Variants in TAFA1 observed in about 807,000 individuals in gnomAD.
The protein encoded by TAFA1 is TAFA chemokine like family member 1.
TAFA1 carries 4 observed loss-of-function variants against 18.5 expected under a neutral mutation model. The observed-to-expected ratio is 0.22, with a 90% CI of 0.11 to 0.49. TAFA1 has a LOEUF of 0.49. Ranked by LOEUF, TAFA1 falls within the 20% of genes least tolerant of loss-of-function variation. The pLI is 0.98. For missense variants in TAFA1, 147 were observed against 169.0 expected, an observed-to-expected ratio of 0.87 and a Z score of 0.72; for synonymous variants, 56 against 55.2, an observed-to-expected ratio of 1.01 and a Z score of -0.06.
At chr3:68,105,990 A>G (rs2065198740) in intron 2 of TAFA1, among the ~76,000 whole-genome samples, 1 of 152,254 alleles carries the variant, frequency 6.6e-6, no homozygotes. Flanking sequence ...GCCTAATTCA[A>G]CCACAATTTT....
rs551817291 is a variant in TAFA1, at chr3:68,097,845, A to G, written c.118+91101A>G. ...ATTTCCTGCAGGGAAGGGAATAAAGAGTTGAGGCAGATGCTCTCAGAAAGA... is the reference window on the plus strand; with the variant it reads ...ATTTCCTGCAGGGAAGGGAATAAAGGGTTGAGGCAGATGCTCTCAGAAAGA... On this transcript the variant is annotated intron_variant, in intron 2 of 4. Transcript: ENST00000478136. Among the ~76,000 whole-genome samples the G allele has an allele frequency of 3.9e-5, 6 of 152,278 alleles. No homozygotes were observed. The South Asian group carries it at 6.2e-4, about 16-fold the overall frequency.
chr3:68,271,836 T>TCACACA (rs965274782), intron 2 of TAFA1, among the ~76,000 whole-genome samples: 2 of 129,306 alleles, frequency 1.5e-5, no homozygotes, highest in African/African-American at 6.0e-5. Context: ...TCTCTCTCTC[T>TCACACA]CACACACACA....
chr3:68,017,891 C>G (rs1424655684), intron 2 of TAFA1, among the ~76,000 whole-genome samples: 1 of 152,158 alleles, frequency 6.6e-6, no homozygotes, highest in Non-Finnish European at 1.5e-5. Context: ...GCAATTCATT[C>G]TGAGCAGAGA....
intron 2 of TAFA1, among the ~76,000 whole-genome samples, chr3:68,065,765 T>TAC (rs57317058): frequency 0.064 from 3,817 of 60,006 alleles, 70 homozygotes; most frequent in African/African-American, 0.11. Context: ...TATATATATA[T>TAC]ACACACACAT....
intron 2 of TAFA1, among the ~76,000 whole-genome samples, chr3:68,169,637 A>T (rs2066027481): frequency 6.6e-6 from 1 of 152,266 alleles, no homozygotes; most frequent in Non-Finnish European, 1.5e-5. Flanking sequence ...TAAAGGCAAG[A>T]TTATAACAAA....
chr3:68,397,341 G>A (rs62245800), intron 2 of TAFA1, among the ~76,000 whole-genome samples: 1 of 152,130 alleles, frequency 6.6e-6, no homozygotes, highest in Non-Finnish European at 1.5e-5. Flanking sequence ...GCCCCGGTGT[G>A]TGATGTTCCC....
chr3:68,020,435 C>T (rs527779014), intron 2 of TAFA1, among the ~76,000 whole-genome samples: 3 of 152,268 alleles, frequency 2.0e-5, no homozygotes, highest in East Asian at 3.9e-4. Context: ...AAAACCCCTA[C>T]CTTGCCAGCT....
intron 2 of TAFA1, among the ~76,000 whole-genome samples, chr3:68,113,828 T>G (rs1478644222): frequency 6.6e-6 from 1 of 151,608 alleles, no homozygotes; most frequent in South Asian, 2.1e-4. Context: ...TAGAGTCTTG[T>G]GTAATTTGCT....
chr3:68,142,605 C>G (rs2065681215), intron 2 of TAFA1, among the ~76,000 whole-genome samples: 1 of 152,196 alleles, frequency 6.6e-6, no homozygotes, highest in South Asian at 2.1e-4. Flanking sequence ...CAATTAAAGT[C>G]TAAAGGAAGT....
At chr3:68,417,527 C>A in intron 3 of TAFA1, 107 bp downstream of exon 3, 1 of 1,080,208 alleles carries the variant, frequency 9.3e-7, no homozygotes, top group Non-Finnish European at 1.3e-6. Context: ...AAGGTGCATC[C>A]GAAGTGTTAG....
intron 2 of TAFA1, among the ~76,000 whole-genome samples, chr3:68,279,423 T>C (rs2067857710): frequency 6.6e-6 from 1 of 152,118 alleles, no homozygotes; most frequent in South Asian, 2.1e-4. Flanking sequence ...ATTATTAATC[T>C]TATCAAGATA....
chr3:68,237,342 G>A (rs902279998), intron 2 of TAFA1, among the ~76,000 whole-genome samples: 1 of 152,152 alleles, frequency 6.6e-6, no homozygotes. Context: ...CCTCCCCAAG[G>A]TTTCACCTTC....
At chr3:68,441,301 C>G (rs940809864) in intron 3 of TAFA1, among the ~76,000 whole-genome samples, 13 of 152,224 alleles carry the variant, frequency 8.5e-5, no homozygotes, top group Admixed American at 8.5e-4. Flanking sequence ...CCCAGCAGAT[C>G]CAATGGTGCT....
chr3:68,535,934 A>G (rs2073272501), intron 3 of TAFA1, among the ~76,000 whole-genome samples: 1 of 152,160 alleles, frequency 6.6e-6, no homozygotes, highest in Admixed American at 6.6e-5. Context: ...GGCATGGGAT[A>G]TGGTGTCCAC....
chr3:68,369,201 A>C (rs918418111), intron 2 of TAFA1, among the ~76,000 whole-genome samples: 1 of 152,020 alleles, frequency 6.6e-6, no homozygotes, highest in African/African-American at 2.4e-5. Context: ...ACACACACAC[A>C]CCCAAAATAA....
chr3:68,370,286 CAAAAAAAAAAAAAA>C (rs71618234), intron 2 of TAFA1, among the ~76,000 whole-genome samples: 10 of 10,842 alleles, frequency 9.2e-4, no homozygotes, highest in African/African-American at 4.0e-3. Context: ...GACCCCATCT[CAAAAAAAAAAAAAA>C]AAAAAAAAAA....
chr3:68,078,713 C>G (rs2064858135), intron 2 of TAFA1, among the ~76,000 whole-genome samples: 2 of 152,042 alleles, frequency 1.3e-5, no homozygotes, highest in Non-Finnish European at 2.9e-5. Context: ...TTCGGTTTGC[C>G]AGTATTTTAT....
Position 68,223,375 on chromosome 3 carries a change from C to A in TAFA1, c.119-193905C>A, listed in dbSNP as rs368439325. ...TCTATGTTAAATACTTTATATACAC[C>A]GTGTTATTCAATAGTATCACTGAAT... On this transcript the variant is annotated intron_variant, in intron 2 of 4. Coordinates refer to ENST00000478136, the MANE Select transcript of TAFA1 (RefSeq NM_213609.4). Among the ~76,000 whole-genome samples, 24 of 152,024 alleles carry A rather than the reference C, an allele frequency of 1.6e-4. 1 individual carries two copies. In the East Asian group the frequency reaches 1.9e-3, roughly 12 times the overall value.
chr3:68,290,834 TTGTTA>T (rs1188547675), intron 2 of TAFA1, among the ~76,000 whole-genome samples: 1 of 152,054 alleles, frequency 6.6e-6, no homozygotes. Context: ...AAGAAATTAC[TTGTTA>T]TCAACTGTGA....
Sources: gnomAD v4.1 joint callset for allele counts (sites outside exome capture counted in the v4.1 genomes callset) on GRCh38, gnomAD v4.1.1 for gene constraint, MANE v1.5 for transcripts, NCBI Gene and HGNC (gene_info 2026-07-23, HGNC 2026-07-21) for gene names.